The following HECW1 variants were observed in gnomAD, a reference collection of about 807,000 sequenced individuals.
HECW1 encodes E3 ubiquitin-protein ligase HECW1.
HECW1 carries 61 observed loss-of-function variants against 182.3 expected under a neutral mutation model. The ratio of observed to expected loss-of-function variants is 0.33; its 90% confidence interval spans 0.27 to 0.41. HECW1 has a LOEUF of 0.41. Ranked by LOEUF, HECW1 falls within the 10% of genes least tolerant of loss-of-function variation. The pLI is 1.00. For missense variants in HECW1, 1,739 were observed against 2,108.9 expected, an observed-to-expected ratio of 0.82 and a Z score of 3.44; for synonymous variants, 859 against 832.6, an observed-to-expected ratio of 1.03 and a Z score of -0.55.
At chr7:43,499,212 G>A (rs2079236208) in intron 19 of HECW1, among the ~76,000 whole-genome samples, 1 of 152,160 alleles carries the variant, frequency 6.6e-6, no homozygotes, top group Non-Finnish European at 1.5e-5. Context: ...AGCCTTGGGA[G>A]GTTGGGGCTT....
chr7:43,172,777 A>G (rs191741495), intron 2 of HECW1, among the ~76,000 whole-genome samples: 365 of 152,338 alleles, frequency 2.4e-3, no homozygotes, highest in African/African-American at 8.4e-3. Context: ...CCTGATATTG[A>G]GAAATACTCT....
chr7:43,492,166 A>C lies in HECW1; in HGVS notation c.3326A>C (p.Glu1109Ala). Residue 1109 changes from glutamate to alanine, a missense_variant, in exon 18 of 30, where the codon GAG (glutamate) becomes GCG (alanine). By Grantham distance (107) the Glu-to-Ala change is moderately radical. Transcript: ENST00000395891. ...GCTATTCGAAGCCAACATCAACATG[A>C]GTCATTGCCACTGGGTATGTATCAT... ...VAAIRSQHQH[E>A]SLPLAYNDKI... The C allele has an allele frequency of 6.2e-7, 1 of 1,601,550 alleles. No homozygotes were observed. Among genetic ancestry groups the C allele is most frequent in the South Asian group, 1.1e-5 (1 of 88,386 alleles).
At chr7:43,219,006 G>A (rs976721741) in intron 2 of HECW1, among the ~76,000 whole-genome samples, 3 of 152,212 alleles carry the variant, frequency 2.0e-5, no homozygotes, top group African/African-American at 7.2e-5. Flanking sequence ...ACAGGCTGGA[G>A]GAGGTGGTGT....
chr7:43,488,845 C>T (rs1400824463), intron 17 of HECW1, among the ~76,000 whole-genome samples: 1 of 152,148 alleles, frequency 6.6e-6, no homozygotes, highest in African/African-American at 2.4e-5. Flanking sequence ...CGCAGCAAGC[C>T]GTATCTCCCC....
At chr7:43,297,109 T>A (rs1413773141) in intron 3 of HECW1, among the ~76,000 whole-genome samples, 1 of 152,212 alleles carries the variant, frequency 6.6e-6, no homozygotes, top group Non-Finnish European at 1.5e-5. Context: ...TTTGTTTTCA[T>A]CTCATGCATT....
intron 12 of HECW1, among the ~76,000 whole-genome samples, chr7:43,451,552 A>G (rs1360786333): frequency 1.3e-5 from 2 of 152,212 alleles, no homozygotes; most frequent in Non-Finnish European, 2.9e-5. Flanking sequence ...TGGGAAATTC[A>G]TTTAATCTCT....
intron 2 of HECW1, chr7:43,207,634 C>G (rs1174720537): frequency 1.3e-5 from 2 of 152,184 alleles, no homozygotes; most frequent in Non-Finnish European, 2.9e-5. Flanking sequence ...CTTCCCTCCC[C>G]GTTCCCTTGT....
chr7:43,133,206 A>G (rs1787149154), intron 2 of HECW1, among the ~76,000 whole-genome samples: 1 of 151,880 alleles, frequency 6.6e-6, no homozygotes, highest in South Asian at 2.1e-4. Context: ...CAATGTGTTT[A>G]GTTTTATATA....
At chr7:43,168,202 A>G (rs1009825444) in intron 2 of HECW1, among the ~76,000 whole-genome samples, 4 of 152,194 alleles carry the variant, frequency 2.6e-5, no homozygotes, top group Non-Finnish European at 5.9e-5. Context: ...GATCATGTTT[A>G]TGAGTGTTGA....
At chr7:43,229,141 A>T (rs1797674093) in intron 2 of HECW1, among the ~76,000 whole-genome samples, 1 of 152,202 alleles carries the variant, frequency 6.6e-6, no homozygotes, top group Non-Finnish European at 1.5e-5. Flanking sequence ...TTTCTGGTAA[A>T]TTAGATACGT....
intron 2 of HECW1, among the ~76,000 whole-genome samples, chr7:43,188,818 C>A (rs1342586275): frequency 2.0e-5 from 3 of 152,164 alleles, no homozygotes; most frequent in Non-Finnish European, 4.4e-5. Flanking sequence ...GGATACTTGG[C>A]CAACAGTACA....
In HECW1 at chr7:43,341,405, G is replaced by A. The variant is rs1295251909; in HGVS notation, c.461-19481G>A. Among the ~76,000 whole-genome samples, 11 of 151,666 alleles carry A rather than the reference G, an allele frequency of 7.3e-5. No homozygotes were observed. In the East Asian group the frequency reaches 1.4e-3, roughly 19 times the overall value. On this transcript the variant is annotated intron_variant, in intron 5 of 29. Transcript: ENST00000395891. ...TTTTGGTCACTTTTGCTATGCTATC[G>A]TATTTAAAGACATTAACATGGGATT...
At chr7:43,498,746 A>C (rs995368767) in intron 19 of HECW1, among the ~76,000 whole-genome samples, 3 of 151,986 alleles carry the variant, frequency 2.0e-5, no homozygotes, top group African/African-American at 7.3e-5. Flanking sequence ...ACGGTGCTTC[A>C]CCCGCACTGA....
chr7:43,257,909 C>A (rs1303730796), intron 3 of HECW1, among the ~76,000 whole-genome samples: 2 of 152,186 alleles, frequency 1.3e-5, no homozygotes, highest in East Asian at 3.9e-4. Context: ...ACATTCCTGG[C>A]ACTTGGCAGG....
intron 24 of HECW1, among the ~76,000 whole-genome samples, chr7:43,528,014 G>T (rs370526731): frequency 6.6e-6 from 1 of 152,148 alleles, no homozygotes; most frequent in African/African-American, 2.4e-5. Context: ...ATTAGCTAAC[G>T]TTAATAGCTA....
intron 2 of HECW1, chr7:43,240,006 A>G (rs963054431): frequency 6.6e-6 from 1 of 152,252 alleles, no homozygotes; most frequent in Non-Finnish European, 1.5e-5. Context: ...TTTCAAAAGC[A>G]AATGTACTTT....
At chr7:43,468,899 G>C (rs376564881) in intron 15 of HECW1, 21 bp from the exon 16 acceptor site, 1 of 1,612,938 alleles carries the variant, frequency 6.2e-7, no homozygotes, top group Non-Finnish European at 8.5e-7. Context: ...TCCTTACCCC[G>C]TCCGCCCTGA....
chr7:43,365,965 T>C (rs1180447124), intron 6 of HECW1, among the ~76,000 whole-genome samples: 1 of 152,130 alleles, frequency 6.6e-6, no homozygotes, highest in East Asian at 1.9e-4. Flanking sequence ...TTAGCCAGCA[T>C]GGTGGTGCAT....
At chr7:43,449,861 G>A (rs940407627) in intron 11 of HECW1, among the ~76,000 whole-genome samples, 1 of 152,200 alleles carries the variant, frequency 6.6e-6, no homozygotes, top group Non-Finnish European at 1.5e-5. Flanking sequence ...CTCTGATTAT[G>A]TGACCCAAGC....
Sources: gnomAD v4.1 joint callset for allele counts (sites outside exome capture counted in the v4.1 genomes callset) on GRCh38, gnomAD v4.1.1 for gene constraint, MANE v1.5 for transcripts, NCBI Gene and HGNC (gene_info 2026-07-23, HGNC 2026-07-21) for gene names.